BCAS3: variants seen among roughly 807,000 people sequenced by gnomAD.
The protein encoded by BCAS3 is BCAS4/BCAS3 fusion.
A neutral mutation model predicts 116.1 loss-of-function variants in BCAS3; 53 were observed. The ratio of observed to expected loss-of-function variants is 0.46; its 90% CI spans 0.37 to 0.57. BCAS3 has a LOEUF of 0.57. Among genes scored for constraint, BCAS3 ranks in the 20% least tolerant of loss-of-function variants. BCAS3 has a pLI of 0.00. For synonymous variants in BCAS3, 391 were observed against 408.2 expected (o/e 0.96, Z 0.51); for missense variants, 917 against 1,165.4 (o/e 0.79, Z 3.10).
intron 6 of BCAS3, among the ~76,000 whole-genome samples, chr17:60,798,058 CAG>C (rs1191977776): frequency 2.6e-5 from 4 of 152,214 alleles, no homozygotes; most frequent in Admixed American, 1.3e-4. Context: ...CAAAAACACA[CAG>C]AGTTTCTGTA....
chr17:60,783,678 A>G (rs1568242021), intron 6 of BCAS3, among the ~76,000 whole-genome samples: 1 of 152,238 alleles, frequency 6.6e-6, no homozygotes, highest in Non-Finnish European at 1.5e-5. Context: ...AACATTTTTC[A>G]TAATACAGTA....
chr17:60,890,806 T>C (rs2057091226), intron 10 of BCAS3, among the ~76,000 whole-genome samples: 1 of 152,230 alleles, frequency 6.6e-6, no homozygotes, highest in African/African-American at 2.4e-5. Flanking sequence ...TGCATAGTTA[T>C]TGTATCTTGA....
At chr17:60,929,626 A>G (rs2059537215) in intron 13 of BCAS3, among the ~76,000 whole-genome samples, 1 of 151,566 alleles carries the variant, frequency 6.6e-6, no homozygotes, top group Non-Finnish European at 1.5e-5. Flanking sequence ...TGTGCAGGTT[A>G]GTTACATATG....
At position 61,363,428 on chromosome 17, in the gene BCAS3, T is replaced by C. The variant is rs1361096226; in HGVS notation, c.2426-4899T>C. Among the ~76,000 whole-genome samples the C allele has an allele frequency of 6.6e-6, 1 of 152,140 alleles. No homozygotes were observed. The highest frequency in any genetic ancestry group is 1.5e-5 in the Non-Finnish European group (1 of 68,044). On this transcript the variant is annotated intron_variant, in intron 22 of 23. Transcript: ENST00000407086. This position sits in a 1 kb window ranked among gnomAD's most constrained non-coding sequence, Gnocchi z 4.9. ...CTGAAAGGCAAGAATCCCCAGGAGATAGCCTGCGAAGACTGTTGCACTTAC... is the reference window on the plus strand; with the variant it reads ...CTGAAAGGCAAGAATCCCCAGGAGACAGCCTGCGAAGACTGTTGCACTTAC...
Position 61,104,162 on chromosome 17 carries a change from C to A in BCAS3, c.2425+19598C>A, listed in dbSNP as rs1955323882. 6.6e-6 allele frequency among the ~76,000 whole-genome samples: 1 copy of A among 152,096 alleles called. No individual in the cohort carries two copies. The stretch of plus-strand genomic sequence containing the variant: ...TTTCACTTGGAAAGTTTTGTCTTTT[C>A]TGTAAAAATTCCAGGAGTTGGGTGG... On this transcript the variant is annotated intron_variant, in intron 22 of 23. Transcript: ENST00000407086. This position sits in a 1 kb window ranked among gnomAD's most constrained non-coding sequence, Gnocchi z 4.1.
chr17:61,222,824 TTGAA>T lies in BCAS3; in HGVS notation c.2425+138265_2425+138268del. ...TTTCCTTTTGCCTCAGTCAGCTGCC[TTGAA>T]TGAAATTATCTGCTGCTGCTCTGGG... On this transcript the variant is annotated intron_variant, in intron 22 of 23. Transcript: ENST00000407086. The surrounding 1 kb of genome is among the most constrained non-coding windows in gnomAD (Gnocchi z 6.1). Among the ~76,000 whole-genome samples, 1 of 152,330 alleles carries T rather than the reference TTGAA, an allele frequency of 6.6e-6. No individual in the cohort carries two copies. The highest frequency in any genetic ancestry group is 6.5e-5 in the Admixed American group (1 of 15,302).
rs2066847773 is a variant in BCAS3 at position 61,034,133 on chromosome 17, C to T, written c.1638-533C>T. On this transcript the variant is annotated intron_variant, in intron 16 of 23. Coordinates refer to ENST00000407086, the MANE Select transcript of BCAS3 (RefSeq NM_017679.5). This position sits in a 1 kb window ranked among gnomAD's most constrained non-coding sequence, Gnocchi z 5.0. ...CCTTGCACTGTCTAACTCTCCATAGCATTGTGGCCGAGAGAGCATTTTCAA... is the reference window on the plus strand; with the variant it reads ...CCTTGCACTGTCTAACTCTCCATAGTATTGTGGCCGAGAGAGCATTTTCAA... Among the ~76,000 whole-genome samples the T allele has an allele frequency of 6.6e-6, 1 of 152,200 alleles. No individual in the cohort carries two copies. The highest frequency in any genetic ancestry group is 2.1e-4 in the South Asian group (1 of 4,836).
intron 6 of BCAS3, among the ~76,000 whole-genome samples, chr17:60,751,088 C>A (rs8076615): frequency 3.3e-5 from 5 of 152,058 alleles, no homozygotes; most frequent in Non-Finnish European, 7.4e-5. Context: ...CTGTAGAAAG[C>A]CTGTCCCCTA....
intron 16 of BCAS3, among the ~76,000 whole-genome samples, chr17:61,016,695 A>G (rs1177882862): frequency 6.6e-6 from 1 of 152,240 alleles, no homozygotes; most frequent in Non-Finnish European, 1.5e-5. Context: ...ATTTGAAATG[A>G]AACAACTTTT....
At chr17:61,372,990 A>G (rs756899965) in intron 23 of BCAS3, among the ~76,000 whole-genome samples, 1 of 152,224 alleles carries the variant, frequency 6.6e-6, no homozygotes, top group South Asian at 2.1e-4. Context: ...AACTCTTTCA[A>G]TAACTGTAGC....
At chr17:60,925,896 T>A (rs557572143) in intron 13 of BCAS3, among the ~76,000 whole-genome samples, 1 of 152,272 alleles carries the variant, frequency 6.6e-6, no homozygotes, top group South Asian at 2.1e-4. Context: ...ATGAGTTATC[T>A]TGGCGGTGGG....
At position 61,265,297 on chromosome 17, in the gene BCAS3, G is replaced by A. The variant is rs1055892571; in HGVS notation, c.2426-103030G>A. Among the ~76,000 whole-genome samples, 1 of 151,806 alleles carries A rather than the reference G, an allele frequency of 6.6e-6. No individual in the cohort carries two copies. The highest frequency in any genetic ancestry group is 1.5e-5 in the Non-Finnish European group (1 of 67,942). ...CATGGTGGCGCATGCCTGTAATCCC[G>A]GGAGGTTGAGGCAGGAGAATCGTTC... is the stretch of plus-strand genomic sequence containing the variant. On this transcript the variant is annotated intron_variant, in intron 22 of 23. Transcript: ENST00000407086. This position sits in a 1 kb window ranked among gnomAD's most constrained non-coding sequence, Gnocchi z 4.3.
At chr17:61,094,702 G>A (rs1000684365) in intron 22 of BCAS3, among the ~76,000 whole-genome samples, 1 of 152,174 alleles carries the variant, frequency 6.6e-6, no homozygotes, top group African/African-American at 2.4e-5. Flanking sequence ...AAATTAGCTG[G>A]GTGTGGTGGT....
intron 14 of BCAS3, among the ~76,000 whole-genome samples, chr17:60,977,521 C>CT (rs2062486826): frequency 6.8e-6 from 1 of 147,774 alleles, no homozygotes; most frequent in Non-Finnish European, 1.5e-5. Context: ...TATTATTATA[C>CT]TTTAAGTTTT....
chr17:60,997,221 T>G (rs2063901226), intron 15 of BCAS3, among the ~76,000 whole-genome samples: 1 of 152,166 alleles, frequency 6.6e-6, no homozygotes. Flanking sequence ...GCCACTTACC[T>G]CCTGCTCTGC....
At chr17:60,773,934 A>G (rs907385696) in intron 6 of BCAS3, among the ~76,000 whole-genome samples, 3 of 152,220 alleles carry the variant, frequency 2.0e-5, no homozygotes, top group African/African-American at 7.2e-5. Flanking sequence ...GGTGTGAGCC[A>G]CTTTGCCCGG....
rs113985942 is a variant in BCAS3, at chr17:60,703,635, C to T, written c.215-5584C>T. On this transcript the variant is annotated intron_variant, in intron 4 of 23. Coordinates refer to ENST00000407086, the MANE Select transcript of BCAS3 (RefSeq NM_017679.5). Reference sequence around the variant, plus strand: ...GATGCTGTAAGAAAGACTTACCTAGCCGGGCGCGGTGGCTCACGCCTGTAA... The same window carrying T: ...GATGCTGTAAGAAAGACTTACCTAGTCGGGCGCGGTGGCTCACGCCTGTAA... 2.3e-3 allele frequency among the ~76,000 whole-genome samples: 351 copies of T among 151,918 alleles called. 1 individual carries two copies. The highest frequency in any genetic ancestry group is 8.0e-3 in the African/African-American group (330 of 41,430).
rs529697281 is a variant in BCAS3 at position 61,391,747 on chromosome 17, C to T, written c.2594-230C>T. 7.5e-4 allele frequency: 415 copies of T among 555,930 alleles called. 1 individual carries two copies. Among genetic ancestry groups the T allele is most frequent in the Middle Eastern group, 2.4e-3 (5 of 2,076 alleles). The allele number at this position is 555,930 out of a possible 1,614,324, so 34.4% of individuals were successfully genotyped here. A position where few individuals can be genotyped will look rare whatever the true frequency, so the allele number is the denominator to read the frequency against. On this transcript the variant is annotated intron_variant, in intron 23 of 23. Transcript: ENST00000407086. This position sits in a 1 kb window ranked among gnomAD's most constrained non-coding sequence, Gnocchi z 7.7. The stretch of plus-strand genomic sequence containing the variant: ...TAAAGGGCTTCCCGCAGCAGGGAGA[C>T]GGTGCTCTCACACCAGAGTCTGCCA...
In BCAS3 at chr17:61,324,822, G is replaced by GAA. The variant is rs552000873; in HGVS notation, c.2426-43491_2426-43490dup. Among the ~76,000 whole-genome samples, 14 of 124,764 alleles carry GAA rather than the reference G, an allele frequency of 1.1e-4. No homozygotes were observed. The highest frequency in any genetic ancestry group is 2.6e-4 in the African/African-American group (9 of 35,264). 81.9% of individuals were successfully genotyped at this position (124,764 alleles called of 152,430 possible). On this transcript the variant is annotated intron_variant, in intron 22 of 23. Coordinates refer to ENST00000407086, the MANE Select transcript of BCAS3 (RefSeq NM_017679.5). This position sits in a 1 kb window ranked among gnomAD's most constrained non-coding sequence, Gnocchi z 4.6. ...CAACCTAGTGAGACCTCATCTCTAT[G>GAA]AAAAAAAAAAAAAAAGAAGAAACAA...
Sources: gnomAD v4.1 joint callset for allele counts (sites outside exome capture counted in the v4.1 genomes callset) on GRCh38, gnomAD v4.1.1 for gene constraint, Gnocchi (gnomAD v3.1) non-coding constraint, MANE v1.5 for transcripts, NCBI Gene and HGNC (gene_info 2026-07-23, HGNC 2026-07-21) for gene names.